PDE4D: variants seen among roughly 807,000 people sequenced by gnomAD.
PDE4D encodes the protein phosphodiesterase 4D.
A neutral mutation model predicts 87.4 loss-of-function variants in PDE4D; 24 were observed. That is an observed-to-expected ratio of 0.27 (90% CI 0.20 to 0.39). The LOEUF is 0.39. PDE4D is among the 10% of genes least tolerant of loss of function. The pLI is 1.00. For missense variants in PDE4D, 714 were observed against 1,041.0 expected, an observed-to-expected ratio of 0.69 and a Z score of 4.32; for synonymous variants, 384 against 383.2, an observed-to-expected ratio of 1.00 and a Z score of -0.02.
intron 3 of PDE4D, among the ~76,000 whole-genome samples, chr5:59,902,027 G>A (rs1316145324): frequency 1.3e-5 from 2 of 150,058 alleles, no homozygotes; most frequent in African/African-American, 4.9e-5. Context: ...TATAACACAA[G>A]CTAGAAACAA....
At chr5:59,285,212 T>TAA (rs35238877) in intron 1 of PDE4D, among the ~76,000 whole-genome samples, 35,357 of 134,344 alleles carry the variant, frequency 0.26, 5,247 homozygotes, top group East Asian at 0.66. Flanking sequence ...TAAAGTATAA[T>TAA]AAAAAAAAAA....
chr5:59,795,385 G>A (rs1386704627), intron 1 of PDE4D, among the ~76,000 whole-genome samples: 2 of 152,078 alleles, frequency 1.3e-5, no homozygotes, highest in Admixed American at 6.5e-5. Flanking sequence ...TGGGTCTGTG[G>A]GTTCCCCGGT....
chr5:59,436,035 T>C (rs896905914), intron 1 of PDE4D, among the ~76,000 whole-genome samples: 5 of 152,192 alleles, frequency 3.3e-5, no homozygotes, highest in African/African-American at 9.6e-5. Context: ...TTGAATAAGC[T>C]CAGTATAATG....
intron 1 of PDE4D, among the ~76,000 whole-genome samples, chr5:60,451,835 C>A (rs974981613): frequency 2.0e-5 from 3 of 152,026 alleles, no homozygotes; most frequent in African/African-American, 7.2e-5. Flanking sequence ...ACAACTGATA[C>A]AGGATCTTTA....
chr5:60,156,683 A>C (rs983739489), intron 2 of PDE4D, among the ~76,000 whole-genome samples: 1 of 152,128 alleles, frequency 6.6e-6, no homozygotes, highest in South Asian at 2.1e-4. Flanking sequence ...AATCACCCAT[A>C]ATCTTACCTG....
intron 5 of PDE4D, among the ~76,000 whole-genome samples, chr5:59,138,782 C>A (rs1777494346): frequency 6.6e-6 from 1 of 152,192 alleles, no homozygotes; most frequent in Admixed American, 6.5e-5. Flanking sequence ...AGCTTGATTA[C>A]ATTTTCTGGG....
At chr5:59,914,135 A>G (rs972194475) in intron 3 of PDE4D, among the ~76,000 whole-genome samples, 1 of 152,212 alleles carries the variant, frequency 6.6e-6, no homozygotes, top group Non-Finnish European at 1.5e-5. Context: ...TATTTAATAC[A>G]TATGAATAAC....
At chr5:60,181,530 G>A (rs72753294) in intron 2 of PDE4D, among the ~76,000 whole-genome samples, 254 of 152,192 alleles carry the variant, frequency 1.7e-3, no homozygotes, top group Non-Finnish European at 2.8e-3. Context: ...AAAAGAACAA[G>A]GAACATCAAA....
At chr5:60,468,690 CT>C (rs994941305) in intron 1 of PDE4D, among the ~76,000 whole-genome samples, 10 of 151,466 alleles carry the variant, frequency 6.6e-5, no homozygotes, top group Admixed American at 2.6e-4. Context: ...GTCTGGCTAA[CT>C]TTTTTTTCCT....
chr5:59,863,982 C>A (rs1278250213), intron 1 of PDE4D, among the ~76,000 whole-genome samples: 1 of 152,118 alleles, frequency 6.6e-6, no homozygotes, highest in Non-Finnish European at 1.5e-5. Flanking sequence ...CAGTGCCCTG[C>A]GTGTAGTATT....
At chr5:60,302,590 T>C (rs1019867320) in intron 1 of PDE4D, among the ~76,000 whole-genome samples, 1 of 152,164 alleles carries the variant, frequency 6.6e-6, no homozygotes, top group Non-Finnish European at 1.5e-5. Flanking sequence ...TAGCAGTCTC[T>C]TTTATTAATT....
chr5:59,314,886 T>C (rs1387653025), intron 1 of PDE4D: 8 of 152,158 alleles, frequency 5.3e-5, no homozygotes, highest in African/African-American at 1.9e-4. Flanking sequence ...TTCCCAATAA[T>C]GCAGGTGATA....
chr5:60,118,533 C>T (rs1778372010), intron 2 of PDE4D, among the ~76,000 whole-genome samples: 1 of 149,034 alleles, frequency 6.7e-6, no homozygotes, highest in African/African-American at 2.5e-5. Context: ...GCATGGAAAC[C>T]TTTCCTGTTT....
chr5:59,770,853 C>T (rs1763361951), intron 1 of PDE4D, among the ~76,000 whole-genome samples: 1 of 152,038 alleles, frequency 6.6e-6, no homozygotes. Context: ...TTAGCTTGGC[C>T]AGGTGTGGTG....
At chr5:59,794,978 C>A (rs1430850410) in intron 1 of PDE4D, among the ~76,000 whole-genome samples, 1 of 152,168 alleles carries the variant, frequency 6.6e-6, no homozygotes, top group Non-Finnish European at 1.5e-5. Context: ...TCCCAGTACT[C>A]ACTGTGTGCA....
At position 59,092,446 on chromosome 5, in the gene PDE4D, T is replaced by C. The variant is rs1034781005; in HGVS notation, c.809-53475A>G. Among the ~76,000 whole-genome samples, 3 of 152,224 alleles carry C rather than the reference T, an allele frequency of 2.0e-5. No individual in the cohort carries two copies. The East Asian group carries it at 5.8e-4, about 29-fold the overall frequency. Reference sequence around the variant, plus strand: ...ATTAATCTGAAGAAGTTTCTCTTACTAATTTGCAAACCTAAAAGCATTTTA... The same window carrying C: ...ATTAATCTGAAGAAGTTTCTCTTACCAATTTGCAAACCTAAAAGCATTTTA... On this transcript the variant is annotated intron_variant, in intron 5 of 14. Coordinates refer to ENST00000340635, the MANE Select transcript of PDE4D (RefSeq NM_001104631.2).
At chr5:59,349,283 T>C (rs1277776625) in intron 1 of PDE4D, among the ~76,000 whole-genome samples, 2 of 151,830 alleles carry the variant, frequency 1.3e-5, no homozygotes, top group African/African-American at 4.8e-5. Context: ...GTAGAAAAAA[T>C]AATGGAAGTT....
chr5:60,331,379 A>G (rs540593299), intron 1 of PDE4D, among the ~76,000 whole-genome samples: 68 of 152,344 alleles, frequency 4.5e-4, no homozygotes, highest in African/African-American at 1.5e-3. Flanking sequence ...ACCAGAATTT[A>G]CTTATTCAGA....
intron 1 of PDE4D, among the ~76,000 whole-genome samples, chr5:59,809,712 G>A (rs942828595): frequency 3.3e-5 from 5 of 152,232 alleles, no homozygotes; most frequent in Non-Finnish European, 7.4e-5. Context: ...TTAATCTATT[G>A]ATGAAAACTG....
Sources: allele counts gnomAD v4.1 joint callset (sites outside exome capture counted in the v4.1 genomes callset), GRCh38; gene constraint gnomAD v4.1.1; transcripts MANE v1.5; gene names NCBI Gene and HGNC (gene_info 2026-07-23, HGNC 2026-07-21).